The following TRMT11 variants were observed in gnomAD, a reference collection of about 807,000 sequenced individuals.
TRMT11 encodes tRNA methyltransferase 11.
TRMT11 carries 53 observed loss-of-function variants against 62.8 expected under a neutral mutation model. The observed-to-expected ratio is 0.84, with a 90% CI of 0.68 to 1.06. The LOEUF (loss-of-function observed/expected upper bound fraction) is 1.06, where lower values mean the gene tolerates loss of function less well. TRMT11 is among the 50% of genes least tolerant of loss of function. The probability of loss-of-function intolerance (pLI) is 0.00; values close to 1 mark genes in which losing one functional copy is unlikely to be tolerated. For synonymous variants in TRMT11, 188 were observed against 190.3 expected, an observed-to-expected ratio of 0.99 and a Z score of 0.10; for missense variants, 556 against 553.4, an observed-to-expected ratio of 1.00 and a Z score of -0.05.
At chr6:126,160,502 TAAG>T (rs1778177236) in intron 21 of TRMT11, among the ~76,000 whole-genome samples, 1 of 151,976 alleles carries the variant, frequency 6.6e-6, no homozygotes, top group Admixed American at 6.6e-5. Flanking sequence ...TCTGGAGAGG[TAAG>T]AAGGACAGCG....
intron 2 of TRMT11, among the ~76,000 whole-genome samples, chr6:125,995,221 A>G (rs900006393): frequency 6.6e-6 from 1 of 152,212 alleles, no homozygotes; most frequent in South Asian, 2.1e-4. Context: ...AAAGTCCTGT[A>G]GTGTTGGACT....
intron 17 of TRMT11, among the ~76,000 whole-genome samples, chr6:126,081,370 A>G (rs769808650): frequency 6.6e-6 from 1 of 152,182 alleles, no homozygotes; most frequent in African/African-American, 2.4e-5. Context: ...CTTCTATTAT[A>G]CAGTCCACAG....
intron 17 of TRMT11, among the ~76,000 whole-genome samples, chr6:126,083,208 C>A (rs1213106761): frequency 6.6e-6 from 1 of 152,102 alleles, no homozygotes; most frequent in Non-Finnish European, 1.5e-5. Flanking sequence ...AAACTGGTGT[C>A]CCATCATGGT....
At chr6:126,037,673 T>G (rs918082603) in intron 12 of TRMT11, among the ~76,000 whole-genome samples, 3 of 152,104 alleles carry the variant, frequency 2.0e-5, no homozygotes, top group African/African-American at 7.2e-5. Flanking sequence ...AATAAACAAA[T>G]GTGCCAACAT....
chr6:126,265,869 A>ATAAC, the TRMT11 span, among the ~76,000 whole-genome samples: 2 of 152,208 alleles, frequency 1.3e-5, no homozygotes, highest in Non-Finnish European at 2.9e-5. Flanking sequence ...TAAGCAACAT[A>ATAAC]TAACTTTGTA....
chr6:126,122,805 C>T (rs941015415), intron 21 of TRMT11, among the ~76,000 whole-genome samples: 1 of 152,042 alleles, frequency 6.6e-6, no homozygotes, highest in African/African-American at 2.4e-5. Flanking sequence ...AATTTATATG[C>T]CATTTCTTTT....
chr6:126,161,796 T>C (rs1778194018), intron 21 of TRMT11, among the ~76,000 whole-genome samples: 1 of 152,222 alleles, frequency 6.6e-6, no homozygotes, highest in Non-Finnish European at 1.5e-5. Flanking sequence ...TGAGATAGTA[T>C]CTCATTTGTG....
chr6:126,040,136 G>A (rs1240103482), downstream of TRMT11, among the ~76,000 whole-genome samples: 1 of 152,044 alleles, frequency 6.6e-6, no homozygotes, highest in Non-Finnish European at 1.5e-5. Context: ...TTGAAACTTT[G>A]TCACTGACTC....
rs560798101 is a variant in TRMT11 at position 126,053,698 on chromosome 6, C to T, written c.*1437+508C>T. 3.9e-5 allele frequency among the ~76,000 whole-genome samples: 6 copies of T among 152,294 alleles called. No homozygotes were observed. In the East Asian group the frequency reaches 1.2e-3, roughly 29 times the overall value. ...TCCTTCCCCACATGGCCCTGCATGG[C>T]GTGGTGTGTCCTCTCGAGAGCTTCG... On this transcript the variant is annotated intron_variant and NMD_transcript_variant, in intron 17 of 22. Transcript: ENST00000648977.
chr6:126,050,519 A>C (rs1179914055), intron 16 of TRMT11, among the ~76,000 whole-genome samples: 1 of 152,038 alleles, frequency 6.6e-6, no homozygotes, highest in Non-Finnish European at 1.5e-5. Flanking sequence ...CGTGGGCAAC[A>C]TAGTGAGGCC....
Position 126,013,021 on chromosome 6 carries a change from T to C in TRMT11, c.1059T>C (p.Phe353=). ...TGAGTTATCATCTGAGTGATATGTT[T>C]CTTGACCTGTTAAACTTCGCAGCTG... ...VSLSYHLSDM[F]LDLLNFAAET... is the part of the protein sequence containing the mutation. Residue 353 remains phenylalanine (F), a synonymous_variant, in exon 11 of 13, where the codon TTT becomes TTC. Coordinates refer to ENST00000334379, the MANE Select transcript of TRMT11 (RefSeq NM_001031712.3). 1 of 1,613,934 alleles carries C rather than the reference T, an allele frequency of 6.2e-7. No individual in the cohort carries two copies. Among genetic ancestry groups the C allele is most frequent in the Non-Finnish European group, 8.5e-7 (1 of 1,179,898 alleles).
intron 21 of TRMT11, among the ~76,000 whole-genome samples, chr6:126,158,155 C>T (rs1778142642): frequency 6.6e-6 from 1 of 152,084 alleles, no homozygotes; most frequent in Non-Finnish European, 1.5e-5. Flanking sequence ...TTATATAAGT[C>T]CACTCCTACA....
At chr6:126,074,172 C>T (rs1776943531) in intron 17 of TRMT11, among the ~76,000 whole-genome samples, 1 of 152,202 alleles carries the variant, frequency 6.6e-6, no homozygotes, top group South Asian at 2.1e-4. Context: ...ATCAGTATTT[C>T]TCCTTAACAA....
chr6:126,124,978 T>C (rs892164611), intron 21 of TRMT11, among the ~76,000 whole-genome samples: 1 of 152,036 alleles, frequency 6.6e-6, no homozygotes, highest in African/African-American at 2.4e-5. Context: ...CACCAAGCTA[T>C]AGGGGTAGGG....
chr6:126,230,354 A>G, the TRMT11 span, among the ~76,000 whole-genome samples: 1 of 152,156 alleles, frequency 6.6e-6, no homozygotes, highest in African/African-American at 2.4e-5. Flanking sequence ...TTCTCATTGA[A>G]AAGGAATGAA....
chr6:126,208,050 T>C (rs1014949970), downstream of TRMT11, among the ~76,000 whole-genome samples: 2 of 152,038 alleles, frequency 1.3e-5, no homozygotes, highest in African/African-American at 4.8e-5. Flanking sequence ...GAAGAAAAAA[T>C]ATTAAACGTG....
chr6:126,206,920 A>G (rs1778796723), downstream of TRMT11, among the ~76,000 whole-genome samples: 1 of 152,252 alleles, frequency 6.6e-6, no homozygotes, highest in Non-Finnish European at 1.5e-5. Flanking sequence ...TTAAAGCAGT[A>G]TCTTTTAGCC....
exon 17 of TRMT11, among the ~76,000 whole-genome samples, chr6:126,053,156 T>C (rs139070842): frequency 1.3e-5 from 2 of 152,178 alleles, no homozygotes; most frequent in Non-Finnish European, 2.9e-5. Context: ...AATGAGCTCA[T>C]GGTCTGGAGG....
chr6:126,106,668 C>T (rs1340786253), intron 17 of TRMT11, among the ~76,000 whole-genome samples: 1 of 152,088 alleles, frequency 6.6e-6, no homozygotes, highest in Non-Finnish European at 1.5e-5. Context: ...CTAAGCTCTA[C>T]TTTACTTCTC....
Sources: gnomAD v4.1 joint callset for allele counts (sites outside exome capture counted in the v4.1 genomes callset) on GRCh38, gnomAD v4.1.1 for gene constraint, MANE v1.5 for transcripts, NCBI Gene and HGNC (gene_info 2026-07-23, HGNC 2026-07-21) for gene names.